Variants in RUBCN observed in about 807,000 individuals in gnomAD.
RUBCN encodes rubicon autophagy regulator, also known as run domain Beclin-1-interacting and cysteine-rich domain-containing protein.
RUBCN carries 74 observed loss-of-function variants against 113.2 expected under a neutral mutation model. That is an observed-to-expected ratio of 0.65 (90% CI 0.54 to 0.79). The LOEUF is 0.79. Among genes scored for constraint, RUBCN ranks in the 30% least tolerant of loss-of-function variants. RUBCN has a pLI of 0.00. For synonymous variants in RUBCN, 480 were observed against 490.0 expected, an observed-to-expected ratio of 0.98 and a Z score of 0.27; for missense variants, 1,109 against 1,251.7, an observed-to-expected ratio of 0.89 and a Z score of 1.72.
upstream of RUBCN, among the ~76,000 whole-genome samples, chr3:197,738,629 A>G (rs116217529): frequency 0.013 from 1,934 of 152,358 alleles, 47 homozygotes; most frequent in African/African-American, 0.045. Context: ...TCTGTCACCC[A>G]GGCTGGGGTG....
intron 1 of RUBCN, among the ~76,000 whole-genome samples, chr3:197,731,372 G>GA (rs1006130025): frequency 6.6e-6 from 1 of 152,168 alleles, no homozygotes; most frequent in Non-Finnish European, 1.5e-5. Flanking sequence ...AGAACAAAAT[G>GA]AAAAGTCTCC....
intron 7 of RUBCN, among the ~76,000 whole-genome samples, chr3:197,698,195 G>A (rs943164938): frequency 6.3e-5 from 9 of 143,960 alleles, no homozygotes; most frequent in African/African-American, 1.4e-4. Context: ...CCTTACACTC[G>A]TTATCTGCCT....
chr3:197,694,121 C>T (rs1490287666), intron 10 of RUBCN: 6 of 622,652 alleles, frequency 9.6e-6, no homozygotes, highest in Admixed American at 4.2e-5. Flanking sequence ...AAACTCCTGG[C>T]CTCAAGTGAT....
At chr3:197,737,042 G>C (rs1040945441), upstream of RUBCN, 1 of 843,796 alleles carries the variant, frequency 1.2e-6, no homozygotes, top group East Asian at 6.0e-5. Context: ...CGCAAGCCGC[G>C]CCCTCCAATC....
chr3:197,731,872 G>C (rs1366638729), intron 1 of RUBCN, among the ~76,000 whole-genome samples: 3 of 152,230 alleles, frequency 2.0e-5, no homozygotes, highest in Non-Finnish European at 2.9e-5. Context: ...AGTCACCCTA[G>C]ATTTTTTAGT....
At chr3:197,717,153 A>G (rs1022653800) in intron 2 of RUBCN, among the ~76,000 whole-genome samples, 3 of 148,978 alleles carry the variant, frequency 2.0e-5, no homozygotes, top group African/African-American at 5.0e-5. Context: ...GGGGGCAGAG[A>G]GCTGGGTGCG....
intron 1 of RUBCN, among the ~76,000 whole-genome samples, chr3:197,720,867 T>C (rs1022790526): frequency 2.0e-5 from 3 of 152,150 alleles, no homozygotes; most frequent in Non-Finnish European, 2.9e-5. Flanking sequence ...ATTTTTAACT[T>C]TTTGAGGAAC....
intron 10 of RUBCN, 197 bp from the exon 11 acceptor site, chr3:197,694,013 A>G: frequency 1.7e-6 from 1 of 577,268 alleles, no homozygotes; most frequent in Non-Finnish European, 3.1e-6. Context: ...GTCTCCTCAT[A>G]TCAGGAAGCT....
Position 197,681,379 on chromosome 3 carries a change from G to T in RUBCN, c.2192-12C>A. On this transcript the variant is annotated splice_polypyrimidine_tract_variant and intron_variant, in intron 15 of 19. Coordinates refer to ENST00000296343, the MANE Select transcript of RUBCN (RefSeq NM_014687.4). This position sits in a 1 kb window ranked among gnomAD's most constrained non-coding sequence, Gnocchi z 5.5. ...TCGCTTGATGTAATCTGGAAAAACCGGAAAGCCAGAAAGCCAGATGTAACT... is the reference window on the plus strand; with the variant it reads ...TCGCTTGATGTAATCTGGAAAAACCTGAAAGCCAGAAAGCCAGATGTAACT... 6.3e-6 allele frequency: 10 copies of T among 1,599,844 alleles called. No individual in the cohort carries two copies. The highest frequency in any genetic ancestry group is 8.6e-6 in the Non-Finnish European group (10 of 1,167,250).
At position 197,703,657 on chromosome 3, in the gene RUBCN, G is replaced by A. The variant is rs1723956945; in HGVS notation, c.464-3C>T. The stretch of plus-strand genomic sequence containing the variant: ...GTCACTTAGCAGGAAGGCAGCATCT[G>A]GGGAGAGAAAAGCTGCCACAGTGAT... On this transcript the variant is annotated splice_polypyrimidine_tract_variant and splice_region_variant and intron_variant, in intron 4 of 19. Coordinates refer to ENST00000296343, the MANE Select transcript of RUBCN (RefSeq NM_014687.4). 3.7e-6 allele frequency: 6 copies of A among 1,605,148 alleles called. No homozygotes were observed. Among genetic ancestry groups the A allele is most frequent in the East Asian group, 2.2e-5 (1 of 44,834 alleles).
intron 11 of RUBCN, 57 bp from the exon 12 acceptor site, chr3:197,684,274 C>G: frequency 1.5e-6 from 2 of 1,351,312 alleles, no homozygotes; most frequent in Non-Finnish European, 2.1e-6. Flanking sequence ...GTAAGGGAAC[C>G]TGGAATCTAT....
intron 5 of RUBCN, 151 bp downstream of exon 5, chr3:197,703,397 C>CAAA (rs1165064210): frequency 0.013 from 2,059 of 155,334 alleles, 140 homozygotes; most frequent in African/African-American, 0.014. Flanking sequence ...GACTCTGTCT[C>CAAA]AAAAAAAAAA....
intron 11 of RUBCN, among the ~76,000 whole-genome samples, chr3:197,687,730 G>A (rs1722006043): frequency 1.3e-5 from 2 of 152,214 alleles, no homozygotes; most frequent in Non-Finnish European, 2.9e-5. Context: ...CCTTCCCACA[G>A]AGGGCTTTCA....
chr3:197,682,506 C>T lies in RUBCN; in HGVS notation c.2090G>A (p.Arg697Gln). 6.2e-7 allele frequency: 1 copy of T among 1,614,090 alleles called. No individual in the cohort carries two copies. Among genetic ancestry groups the T allele is most frequent in the Non-Finnish European group, 8.5e-7 (1 of 1,180,018 alleles). ...ATGAACATTAAAAATTATCTGAGGC[C>T]GGGGCGGGGCCCACTCCAAGTTGCC... ...VRGNLEWAPP[R>Q]PQIIFNVHPA... is the part of the protein sequence containing the mutation. Residue 697 changes from arginine to glutamine, a missense_variant, in exon 14 of 20, where the codon CGG becomes CAG. This residue lies in a region of RUBCN where 67 missense variants were observed against 123.2 expected (regional missense o/e 0.54). Coordinates refer to ENST00000296343, the MANE Select transcript of RUBCN (RefSeq NM_014687.4).
rs768429497 is a variant in RUBCN at position 197,696,982 on chromosome 3, G to T, written c.1329C>A (p.Ser443Arg). 6.2e-6 allele frequency: 10 copies of T among 1,606,022 alleles called. No homozygotes were observed. The highest frequency in any genetic ancestry group is 8.5e-6 in the Non-Finnish European group (10 of 1,172,572). Reference protein sequence around the residue: ...LPYSGQSSEVSTPSSLYMEYE... With the variant: ...LPYSGQSSEVRTPSSLYMEYE... ...ATTCCATGTACAGAGAGCTGGGTGT[G>T]CTGACTTCACTGCTTTGACCAGAGT... Residue 443 changes from serine to arginine, a missense_variant, in exon 8 of 20, where the codon AGC becomes AGA. Physicochemically the swap from Ser to Arg is moderately radical, Grantham distance 110. Around this residue, in one of 3 missense-constraint regions of RUBCN, gnomAD observed 736 missense variants for 779.6 expected, o/e 0.94. Transcript: ENST00000296343.
chr3:197,700,725 G>A lies in RUBCN; in HGVS notation c.1149C>T (p.Val383=), dbSNP rs1367507725. Residue 383 remains valine, a synonymous_variant, in exon 7 of 20, where the codon GTC becomes GTT. Transcript: ENST00000296343. ...CCTCTGAGAAGCTGGACCTGCGGAG[G>A]ACACTGGACAGCTGGCTCTCCCCAC... The part of the protein sequence containing the change: ...EGGGESQLSS[V]LRRSSFSEGQ... 1.9e-6 allele frequency: 3 copies of A among 1,614,182 alleles called. No homozygotes were observed. The highest frequency in any genetic ancestry group is 4.5e-5 in the East Asian group (2 of 44,886).
chr3:197,693,762 A>T lies in RUBCN; in HGVS notation c.1739T>A (p.Leu580His), dbSNP rs775846849. ...CTCATCAGCAGAGCCAGAGTCAGAG[A>T]GCTGTGCCGAATCACGTGAGCTGAA... Reference protein sequence around the residue: ...SQFSSRDSAQLSDSGSADEVD... With the variant: ...SQFSSRDSAQHSDSGSADEVD... The change falls in exon 11 of 20, where the codon CTC becomes CAC. Residue 580 changes from leucine to histidine, a missense_variant. Physicochemically the swap from Leu to His is moderately conservative, Grantham distance 99. Coordinates refer to ENST00000296343, the MANE Select transcript of RUBCN (RefSeq NM_014687.4). 4.3e-6 allele frequency: 7 copies of T among 1,614,100 alleles called. No homozygotes were observed. Among genetic ancestry groups the T allele is most frequent in the Middle Eastern group, 1.6e-4 (1 of 6,062 alleles).
upstream of RUBCN, among the ~76,000 whole-genome samples, chr3:197,739,616 AT>A (rs1728436744): frequency 2.7e-5 from 4 of 150,878 alleles, no homozygotes; most frequent in Non-Finnish European, 3.0e-5. Context: ...GAATGGCGTG[AT>A]GAACCCGGGA....
At chr3:197,737,015 C>T (rs1728230942), upstream of RUBCN, 11 of 1,077,632 alleles carry the variant, frequency 1.0e-5, no homozygotes, top group South Asian at 2.8e-4. Flanking sequence ...CGCGCCCCTC[C>T]AACGGCAGGC....
Sources: allele counts gnomAD v4.1 joint callset (sites outside exome capture counted in the v4.1 genomes callset), GRCh38; gene constraint gnomAD v4.1.1; regional missense constraint gnomAD v4.1.1; non-coding constraint Gnocchi (gnomAD v3.1); transcripts MANE v1.5; gene names NCBI Gene and HGNC (gene_info 2026-07-23, HGNC 2026-07-21).